The following DNAAF4 variants were observed in gnomAD, a reference collection of about 807,000 sequenced individuals.
DNAAF4 encodes the protein dynein axonemal assembly factor 4, also known as dynein assembly factor 4, axonemal.
Under a neutral mutation model 51.8 loss-of-function variants are expected in DNAAF4, and 43 were observed. The observed-to-expected ratio is 0.83, with a 90% confidence interval of 0.65 to 1.07. The LOEUF (loss-of-function observed/expected upper bound fraction) is 1.07, where lower values mean the gene tolerates loss of function less well. Ranked by LOEUF, DNAAF4 falls within the 50% of genes least tolerant of loss-of-function variation. The pLI is 0.00. For synonymous variants in DNAAF4, 194 were observed against 165.6 expected (o/e 1.17, Z -1.32); for missense variants, 581 against 493.0 (o/e 1.18, Z -1.69).
At chr15:55,478,546 C>T (rs2058366421) in intron 4 of DNAAF4, among the ~76,000 whole-genome samples, 1 of 152,180 alleles carries the variant, frequency 6.6e-6, no homozygotes, top group African/African-American at 2.4e-5. Flanking sequence ...CAGTCATTAT[C>T]CCAACCAAAA....
intron 4 of DNAAF4, among the ~76,000 whole-genome samples, chr15:55,472,128 C>A (rs1020573765): frequency 6.6e-6 from 1 of 152,222 alleles, no homozygotes; most frequent in African/African-American, 2.4e-5. Context: ...GCGTGAGCCA[C>A]CGTGCCCAGC....
chr15:55,440,554 A>AT (rs1342567280), intron 6 of DNAAF4, among the ~76,000 whole-genome samples: 6 of 148,536 alleles, frequency 4.0e-5, no homozygotes, highest in Non-Finnish European at 8.9e-5. Flanking sequence ...AATTTTTTGT[A>AT]TTTTTAGTAG....
chr15:55,432,034 C>T (rs749488209), intron 9 of DNAAF4, among the ~76,000 whole-genome samples: 32 of 151,998 alleles, frequency 2.1e-4, no homozygotes, highest in Non-Finnish European at 4.0e-4. Context: ...CGGCTCACCA[C>T]AATCTCCGCC....
chr15:55,437,752 A>G (rs779158570), intron 7 of DNAAF4, among the ~76,000 whole-genome samples: 1 of 152,172 alleles, frequency 6.6e-6, no homozygotes, highest in African/African-American at 2.4e-5. Flanking sequence ...GGGAGCCACA[A>G]TTCAAGGAAT....
intron 4 of DNAAF4, among the ~76,000 whole-genome samples, chr15:55,488,994 C>G (rs909903737): frequency 6.6e-6 from 1 of 151,462 alleles, no homozygotes; most frequent in Non-Finnish European, 1.5e-5. Context: ...GAGGCTGAGG[C>G]AGAAGAATGG....
intron 4 of DNAAF4, 100 bp from the exon 5 acceptor site, chr15:55,467,261 C>G: frequency 9.0e-7 from 1 of 1,107,594 alleles, no homozygotes; most frequent in East Asian, 2.5e-5. Flanking sequence ...TACCTCTAAA[C>G]TCTTGCCATT....
intron 4 of DNAAF4, among the ~76,000 whole-genome samples, chr15:55,476,968 A>G (rs1320615111): frequency 6.6e-6 from 1 of 152,024 alleles, no homozygotes; most frequent in Admixed American, 6.6e-5. Flanking sequence ...GTCAGGAGTT[A>G]AAGACCAGCC....
intron 1 of DNAAF4, among the ~76,000 whole-genome samples, chr15:55,499,717 G>C (rs2058683729): frequency 6.6e-6 from 1 of 152,132 alleles, no homozygotes; most frequent in African/African-American, 2.4e-5. Flanking sequence ...CTACAAATCT[G>C]GAATAGGGTA....
chr15:55,443,072 G>A, intron 6 of DNAAF4: 1 of 1,610,964 alleles, frequency 6.2e-7, no homozygotes, highest in Non-Finnish European at 8.5e-7. Flanking sequence ...TTTGGGTCAA[G>A]AAAATGGGTT....
chr15:55,474,435 G>A (rs1260429012), intron 4 of DNAAF4, among the ~76,000 whole-genome samples: 1 of 152,060 alleles, frequency 6.6e-6, no homozygotes. Flanking sequence ...TCAGGAGGCT[G>A]AGGCAGAAGA....
chr15:55,446,810 G>C (rs112028434), intron 6 of DNAAF4, among the ~76,000 whole-genome samples: 1 of 149,260 alleles, frequency 6.7e-6, no homozygotes, highest in African/African-American at 2.5e-5. Flanking sequence ...GGGCGGCCGG[G>C]CAGAGGCGCT....
At chr15:55,426,271 T>G (rs2057429958), downstream of DNAAF4, among the ~76,000 whole-genome samples, 1 of 152,182 alleles carries the variant, frequency 6.6e-6, no homozygotes, top group African/African-American at 2.4e-5. Context: ...GTCAGAATCT[T>G]GTAACTTCCA....
At chr15:55,501,454 C>T (rs995068414) in intron 1 of DNAAF4, among the ~76,000 whole-genome samples, 1 of 150,202 alleles carries the variant, frequency 6.7e-6, no homozygotes, top group African/African-American at 2.4e-5. Context: ...CGGCTCACTG[C>T]AAGCTCCGCC....
chr15:55,445,790 C>A lies in DNAAF4; in HGVS notation c.783+4432G>T, dbSNP rs574897022. Among the ~76,000 whole-genome samples, 15 of 146,818 alleles carry A rather than the reference C, an allele frequency of 1.0e-4. No individual in the cohort carries two copies. The South Asian group carries it at 3.1e-3, about 30-fold the overall frequency. On this transcript the variant is annotated intron_variant, in intron 6 of 9. Transcript: ENST00000321149. ...CAGACGGGGTGGCCGGGCAGAGGCGCTCCCCGCTTCCCAGATGGGGTGGCG... is the reference window on the plus strand; with the variant it reads ...CAGACGGGGTGGCCGGGCAGAGGCGATCCCCGCTTCCCAGATGGGGTGGCG...
intron 1 of DNAAF4, among the ~76,000 whole-genome samples, chr15:55,505,581 C>T (rs2058722950): frequency 6.6e-6 from 1 of 152,132 alleles, no homozygotes; most frequent in Non-Finnish European, 1.5e-5. Context: ...GAATACTATG[C>T]AGCCATAAAA....
chr15:55,443,209 G>C (rs541126149), intron 6 of DNAAF4: 2 of 1,609,844 alleles, frequency 1.2e-6, no homozygotes, highest in Admixed American at 1.7e-5. Context: ...GCTGGGGTTG[G>C]GGACAGAATA....
At chr15:55,489,555 G>A (rs1417830357) in intron 4 of DNAAF4, among the ~76,000 whole-genome samples, 1 of 151,480 alleles carries the variant, frequency 6.6e-6, no homozygotes, top group African/African-American at 2.4e-5. Context: ...CACATCTGTA[G>A]TCCCAGCTAC....
rs749974464 is a variant in DNAAF4 at position 55,498,202 on chromosome 15, C to A, written c.123+5G>T. On this transcript the variant is annotated splice_donor_5th_base_variant and intron_variant, in intron 2 of 9. Transcript: ENST00000321149. ...GAGACCGGCAGGCAAGACTTGCATT[C>A]TTACCTTCAGATAGTTTTCCGTGCA... 5.0e-6 allele frequency: 8 copies of A among 1,613,914 alleles called. No homozygotes were observed. The African/African-American group carries it at 5.3e-5, about 11-fold the overall frequency.
chr15:55,445,815 GGCC>G (rs2057793053), intron 6 of DNAAF4, among the ~76,000 whole-genome samples: 1 of 136,342 alleles, frequency 7.3e-6, no homozygotes, highest in African/African-American at 2.8e-5. Flanking sequence ...ATGGGGTGGC[GGCC>G]GGGCAGAGGC....
Sources: gnomAD v4.1 joint callset for allele counts (sites outside exome capture counted in the v4.1 genomes callset) on GRCh38, gnomAD v4.1.1 for gene constraint, MANE v1.5 for transcripts, NCBI Gene and HGNC (gene_info 2026-07-23, HGNC 2026-07-21) for gene names.